CDH13: variants seen among roughly 807,000 people sequenced by gnomAD.
CDH13 encodes cadherin 13.
A neutral mutation model predicts 63.8 loss-of-function variants in CDH13; 24 were observed. That is an observed-to-expected ratio of 0.38 (90% CI 0.27 to 0.53). CDH13 has a LOEUF of 0.53. Ranked by LOEUF, CDH13 falls within the 20% of genes least tolerant of loss-of-function variation. The pLI is 0.85. For missense variants in CDH13, 1,049 were observed against 903.1 expected (o/e 1.16, Z -2.07); for synonymous variants, 503 against 355.3 (o/e 1.42, Z -4.67).
chr16:82,701,292 C>T (rs749292486), intron 1 of CDH13, among the ~76,000 whole-genome samples: 4 of 152,138 alleles, frequency 2.6e-5, no homozygotes, highest in Non-Finnish European at 4.4e-5. Flanking sequence ...AGATGGACCA[C>T]GGGGTCCTTT....
chr16:83,563,656 TAGG>T (rs1174835762), intron 7 of CDH13, among the ~76,000 whole-genome samples: 1 of 152,194 alleles, frequency 6.6e-6, no homozygotes, highest in Non-Finnish European at 1.5e-5. Flanking sequence ...CGACCAGTTT[TAGG>T]AGGGCGTGTG....
At chr16:83,564,497 C>T (rs2150693717) in intron 7 of CDH13, among the ~76,000 whole-genome samples, 1 of 151,332 alleles carries the variant, frequency 6.6e-6, no homozygotes, top group East Asian at 2.0e-4. Flanking sequence ...CAACCTCTGC[C>T]TCCCGGGTTC....
chr16:83,555,756 C>A (rs1476542269), intron 7 of CDH13, among the ~76,000 whole-genome samples: 1 of 152,170 alleles, frequency 6.6e-6, no homozygotes, highest in Non-Finnish European at 1.5e-5. Context: ...CAGAATATAG[C>A]AGTTTGGCTA....
chr16:83,079,611 G>A (rs2033099602), intron 3 of CDH13, among the ~76,000 whole-genome samples: 2 of 152,162 alleles, frequency 1.3e-5, no homozygotes, highest in South Asian at 2.1e-4. Flanking sequence ...GTGCTACTTG[G>A]TTCTCTTTGT....
chr16:83,435,379 T>C (rs567072505), intron 6 of CDH13, among the ~76,000 whole-genome samples: 1 of 152,150 alleles, frequency 6.6e-6, no homozygotes, highest in South Asian at 2.1e-4. Context: ...GTAGGCAAAA[T>C]GATCTTTTTT....
At chr16:83,636,322 T>G (rs1190244890) in intron 8 of CDH13, among the ~76,000 whole-genome samples, 1 of 152,148 alleles carries the variant, frequency 6.6e-6, no homozygotes, top group Admixed American at 6.5e-5. Context: ...GACTTTTACT[T>G]TAGATTGCAG....
intron 2 of CDH13, among the ~76,000 whole-genome samples, chr16:82,889,448 T>C (rs888213668): frequency 6.6e-6 from 1 of 152,232 alleles, no homozygotes; most frequent in African/African-American, 2.4e-5. Flanking sequence ...AAAATACAAG[T>C]AGCAAACTTG....
chr16:82,645,423 A>AG (rs1326907451), intron 1 of CDH13, among the ~76,000 whole-genome samples: 1 of 151,838 alleles, frequency 6.6e-6, no homozygotes, highest in African/African-American at 2.4e-5. Context: ...TGTTGGGGTG[A>AG]GGGGGGTTGT....
At chr16:82,707,335 G>T (rs2031573367) in intron 1 of CDH13, among the ~76,000 whole-genome samples, 1 of 152,168 alleles carries the variant, frequency 6.6e-6, no homozygotes, top group South Asian at 2.1e-4. Context: ...AGAGATAGGG[G>T]TAGACATGAT....
chr16:82,907,070 A>G (rs571940035), intron 2 of CDH13, among the ~76,000 whole-genome samples: 1 of 152,238 alleles, frequency 6.6e-6, no homozygotes, highest in South Asian at 2.1e-4. Context: ...TTTTCCTACC[A>G]AGATCCCTTA....
chr16:82,979,458 G>A (rs1909972177), intron 2 of CDH13, among the ~76,000 whole-genome samples: 2 of 152,150 alleles, frequency 1.3e-5, no homozygotes, highest in South Asian at 4.2e-4. Flanking sequence ...CGTGGGGGGA[G>A]ACGACTGGAT....
intron 10 of CDH13, among the ~76,000 whole-genome samples, chr16:83,741,790 TCCCCAACCCCTGGGCCACGGACGG>T (rs371601421): frequency 0.025 from 3,843 of 151,956 alleles, 139 homozygotes; most frequent in African/African-American, 0.085. Flanking sequence ...ACATCAGGGG[TCCCCAACCCCTGGGCCACGGACGG>T]CCCCAACCCC....
chr16:82,769,453 A>G lies in CDH13; in HGVS notation c.46-88909A>G, dbSNP rs182714131. Among the ~76,000 whole-genome samples, 282 of 152,306 alleles carry G rather than the reference A, an allele frequency of 1.9e-3. 2 individuals carry two copies. The highest frequency in any genetic ancestry group is 5.0e-3 in the South Asian group (24 of 4,820). ...ATTAAAAAGGCTTCATGCCCTCAGC[A>G]TCAGGGAAGAAGAAGAAATAAAGGC... On this transcript the variant is annotated intron_variant, in intron 1 of 13. Coordinates refer to ENST00000567109, the MANE Select transcript of CDH13 (RefSeq NM_001257.5).
intron 1 of CDH13, among the ~76,000 whole-genome samples, chr16:82,683,797 G>C (rs891930079): frequency 2.0e-5 from 3 of 152,190 alleles, no homozygotes; most frequent in African/African-American, 7.2e-5. Flanking sequence ...ACTTGATGTG[G>C]ATGATATTTT....
At chr16:82,718,761 A>G (rs1260042269) in intron 1 of CDH13, among the ~76,000 whole-genome samples, 1 of 152,142 alleles carries the variant, frequency 6.6e-6, no homozygotes, top group African/African-American at 2.4e-5. Context: ...GATCACAAGA[A>G]CAGCATGGGA....
At chr16:83,083,693 C>T (rs2033406888) in intron 3 of CDH13, among the ~76,000 whole-genome samples, 1 of 152,184 alleles carries the variant, frequency 6.6e-6, no homozygotes, top group African/African-American at 2.4e-5. Flanking sequence ...AGTGTCTTTT[C>T]AATATGAGCC....
At chr16:83,445,289 G>GCTTTTATAATTTATAAAATC (rs1208438269) in intron 6 of CDH13, among the ~76,000 whole-genome samples, 1 of 123,662 alleles carries the variant, frequency 8.1e-6, no homozygotes, top group Non-Finnish European at 1.8e-5. Flanking sequence ...TTTATAAAAG[G>GCTTTTATAATTTATAAAATC]TTTTATAAAT....
chr16:82,852,635 CT>C (rs1212131687), intron 1 of CDH13, among the ~76,000 whole-genome samples: 5 of 152,174 alleles, frequency 3.3e-5, no homozygotes, highest in Non-Finnish European at 7.3e-5. Context: ...AATGACAGTT[CT>C]TATAGCTTGA....
chr16:83,239,144 C>T (rs1904293061), intron 5 of CDH13, among the ~76,000 whole-genome samples: 1 of 152,140 alleles, frequency 6.6e-6, no homozygotes, highest in Non-Finnish European at 1.5e-5. Flanking sequence ...TGTTTAACAG[C>T]CTTACCATGC....
Sources: allele counts gnomAD v4.1 joint callset (sites outside exome capture counted in the v4.1 genomes callset), GRCh38; gene constraint gnomAD v4.1.1; transcripts MANE v1.5; gene names NCBI Gene and HGNC (gene_info 2026-07-23, HGNC 2026-07-21).